PALMD: variants seen among roughly 807,000 people sequenced by gnomAD.
The protein encoded by PALMD is palmdelphin, also known as paralemmin-like protein.
Under a neutral mutation model 56.2 loss-of-function variants are expected in PALMD, and 42 were observed. That is an observed-to-expected ratio of 0.75 (90% CI 0.58 to 0.97). PALMD has a LOEUF of 0.97. Ranked by LOEUF, PALMD falls within the 50% of genes least tolerant of loss-of-function variation. The pLI, the probability that PALMD is intolerant of heterozygous loss-of-function variation, is 0.00. For missense variants in PALMD, 660 were observed against 643.8 expected, an observed-to-expected ratio of 1.03 and a Z score of -0.27; for synonymous variants, 242 against 222.9, an observed-to-expected ratio of 1.09 and a Z score of -0.76.
In PALMD at chr1:99,675,194, A is replaced by G. The variant is rs111927733; in HGVS notation, c.251+7428A>G. 7.3e-3 allele frequency among the ~76,000 whole-genome samples: 1,110 copies of G among 152,338 alleles called. 15 individuals are homozygous for G. The highest frequency in any genetic ancestry group is 0.026 in the African/African-American group (1,067 of 41,572). ...TCAAGAAACAAAGCAAAAATGAAGT[A>G]GATAAAAAATAGAAAATATAGTGAC... is the stretch of plus-strand genomic sequence containing the variant. On this transcript the variant is annotated intron_variant, in intron 3 of 7. Transcript: ENST00000263174.
chr1:99,652,617 A>T (rs953614124), intron 1 of PALMD, among the ~76,000 whole-genome samples: 1 of 151,420 alleles, frequency 6.6e-6, no homozygotes, highest in African/African-American at 2.4e-5. Flanking sequence ...AGAAAAGAAA[A>T]GACAGAAAAG....
rs1653615102 is a variant in PALMD at position 99,689,836 on chromosome 1, A to G, written c.1576A>G (p.Thr526Ala). 6.2e-7 allele frequency: 1 copy of G among 1,611,910 alleles called. No homozygotes were observed. Among genetic ancestry groups the G allele is most frequent in the South Asian group, 1.1e-5 (1 of 90,898 alleles). The change falls in exon 7 of 8, where the codon ACA (threonine) becomes GCA (alanine). Residue 526 changes from threonine (T) to alanine (A), a missense_variant. Physicochemically the swap from Thr to Ala is moderately conservative, Grantham distance 58. Transcript: ENST00000263174. ...CCACCATTCCCCATTTGATGCTCAG[A>G]CAACTGGAGATGGGACTGAGGATCC... ...PVHHSPFDAQ[T>A]TGDGTEDPSL...
At chr1:99,680,824 G>T (rs923209687) in intron 3 of PALMD, among the ~76,000 whole-genome samples, 9 of 151,756 alleles carry the variant, frequency 5.9e-5, no homozygotes, top group Admixed American at 5.9e-4. Flanking sequence ...ATGCATACAT[G>T]TATGTGTATA....
chr1:99,651,886 T>G (rs1377038834), intron 1 of PALMD, among the ~76,000 whole-genome samples: 1 of 152,232 alleles, frequency 6.6e-6, no homozygotes, highest in Non-Finnish European at 1.5e-5. Flanking sequence ...CATCAAGTTT[T>G]CAATCTATTA....
chr1:99,656,108 T>C (rs558179317), intron 1 of PALMD, among the ~76,000 whole-genome samples: 1 of 152,332 alleles, frequency 6.6e-6, no homozygotes, highest in South Asian at 2.1e-4. Flanking sequence ...CTCTCAGTGA[T>C]AGCAAATGAT....
At chr1:99,656,048 A>G (rs1424434168) in intron 1 of PALMD, among the ~76,000 whole-genome samples, 1 of 152,094 alleles carries the variant, frequency 6.6e-6, no homozygotes, top group Non-Finnish European at 1.5e-5. Flanking sequence ...CACTATTACA[A>G]GGTGTCACCA....
intron 2 of PALMD, among the ~76,000 whole-genome samples, chr1:99,665,352 CA>C (rs749439313): frequency 6.6e-6 from 1 of 152,110 alleles, no homozygotes; most frequent in Non-Finnish European, 1.5e-5. Flanking sequence ...CACTAAAGCA[CA>C]AGTCTAAACT....
chr1:99,652,269 A>G (rs950211715), intron 1 of PALMD, among the ~76,000 whole-genome samples: 2 of 152,180 alleles, frequency 1.3e-5, no homozygotes, highest in African/African-American at 4.8e-5. Flanking sequence ...ACAAATTTTT[A>G]TAAACATCAA....
intron 3 of PALMD, among the ~76,000 whole-genome samples, chr1:99,671,912 C>T (rs1438785166): frequency 6.6e-6 from 1 of 152,110 alleles, no homozygotes; most frequent in Non-Finnish European, 1.5e-5. Flanking sequence ...ATTAAAAGTC[C>T]TAATCATAAA....
chr1:99,657,791 C>T (rs1018688894), intron 1 of PALMD, among the ~76,000 whole-genome samples: 4 of 152,078 alleles, frequency 2.6e-5, no homozygotes, highest in African/African-American at 9.7e-5. Flanking sequence ...AGTAATGTCC[C>T]ACATTTTTTA....
chr1:99,654,978 A>G (rs1652686171), intron 1 of PALMD, among the ~76,000 whole-genome samples: 1 of 152,208 alleles, frequency 6.6e-6, no homozygotes, highest in African/African-American at 2.4e-5. Context: ...TATAACAGCA[A>G]TAAAGGAAAA....
At chr1:99,680,112 A>G (rs532830673) in intron 3 of PALMD, among the ~76,000 whole-genome samples, 1 of 152,210 alleles carries the variant, frequency 6.6e-6, no homozygotes, top group Non-Finnish European at 1.5e-5. Context: ...AACTCCACCA[A>G]AAGCTGAGAG....
chr1:99,646,257 G>T lies in PALMD; in HGVS notation c.-61G>T, dbSNP rs887428036. On this transcript the variant is annotated 5_prime_UTR_variant, in exon 1 of 8. Coordinates refer to ENST00000263174, the MANE Select transcript of PALMD (RefSeq NM_017734.5). ...CACCCCCGCTCCTCTCCCCCAGGAG[G>T]CTCCTTGATTTATGGTAGCTTTGGA... The T allele has an allele frequency of 1.5e-6, 2 of 1,345,848 alleles. No individual in the cohort carries two copies. The highest frequency in any genetic ancestry group is 2.1e-6 in the Non-Finnish European group (2 of 935,490). 83.4% of individuals were successfully genotyped at this position (1,345,848 alleles called of 1,614,324 possible).
At chr1:99,659,272 A>G (rs566208093) in intron 1 of PALMD, among the ~76,000 whole-genome samples, 1 of 152,368 alleles carries the variant, frequency 6.6e-6, no homozygotes, top group Non-Finnish European at 1.5e-5. Context: ...AGGCGAATAA[A>G]TTAATTTTCA....
At chr1:99,686,244 T>C (rs1389792370) in intron 3 of PALMD, 1 of 152,426 alleles carries the variant, frequency 6.6e-6, no homozygotes, top group African/African-American at 2.4e-5. Context: ...TTAATAATTA[T>C]AATGTTTTCT....
intron 1 of PALMD, among the ~76,000 whole-genome samples, chr1:99,656,801 A>T (rs896102051): frequency 1.2e-4 from 19 of 152,210 alleles, no homozygotes; most frequent in Non-Finnish European, 2.4e-4. Flanking sequence ...TACCTTTCTA[A>T]GCAAGCCACT....
chr1:99,672,370 G>C (rs375539763), intron 3 of PALMD, among the ~76,000 whole-genome samples: 8 of 152,134 alleles, frequency 5.3e-5, no homozygotes, highest in East Asian at 3.9e-4. Flanking sequence ...CCTCCCAAAA[G>C]AGCCCTGCGC....
In PALMD at chr1:99,689,504, T is replaced by A; in HGVS notation, c.1244T>A (p.Met415Lys). ...ATAAATGATACAGAACCGGTGACAATGATTTTCATGGGGTATCAGCAGGCA... is the reference window on the plus strand; with the variant it reads ...ATAAATGATACAGAACCGGTGACAAAGATTTTCATGGGGTATCAGCAGGCA... ...PDINDTEPVT[M>K]IFMGYQQAED... is the part of the protein sequence containing the mutation. Residue 415 changes from methionine (M) to lysine (K), a missense_variant, in exon 7 of 8, where the codon ATG (methionine) becomes AAG (lysine). Physicochemically the swap from Met to Lys is moderately conservative, Grantham distance 95. Coordinates refer to ENST00000263174, the MANE Select transcript of PALMD (RefSeq NM_017734.5). 6.2e-7 allele frequency: 1 copy of A among 1,613,748 alleles called. No individual in the cohort carries two copies. The highest frequency in any genetic ancestry group is 8.5e-7 in the Non-Finnish European group (1 of 1,179,864).
At chr1:99,670,241 T>A (rs544980510) in intron 3 of PALMD, among the ~76,000 whole-genome samples, 23 of 152,322 alleles carry the variant, frequency 1.5e-4, no homozygotes, top group Admixed American at 5.9e-4. Context: ...CTTTTAGATC[T>A]TCATGATGCT....
Sources: gnomAD v4.1 joint callset for allele counts (sites outside exome capture counted in the v4.1 genomes callset) on GRCh38, gnomAD v4.1.1 for gene constraint, MANE v1.5 for transcripts, NCBI Gene and HGNC (gene_info 2026-07-23, HGNC 2026-07-21) for gene names.